The following SGCZ variants were observed in gnomAD, a reference collection of about 807,000 sequenced individuals.
SGCZ encodes the protein sarcoglycan zeta.
SGCZ carries 40 observed loss-of-function variants against 41.3 expected under a neutral mutation model. The observed-to-expected ratio is 0.97, with a 90% CI of 0.75 to 1.26. The LOEUF (loss-of-function observed/expected upper bound fraction) is 1.26, where lower values mean the gene tolerates loss of function less well. SGCZ is among the 50% of genes most tolerant of loss of function. The pLI, the probability that SGCZ is intolerant of heterozygous loss-of-function variation, is 0.00. For missense variants in SGCZ, 552 were observed against 369.8 expected (o/e 1.49, Z -4.04); for synonymous variants, 206 against 137.5 (o/e 1.50, Z -3.49).
intron 2 of SGCZ, among the ~76,000 whole-genome samples, chr8:14,394,764 C>A (rs1197567579): frequency 6.6e-6 from 1 of 152,022 alleles, no homozygotes; most frequent in Non-Finnish European, 1.5e-5. Context: ...GGTGGAAGTA[C>A]TAATTGACAA....
At chr8:14,998,396 T>G (rs1199744797) in intron 1 of SGCZ, among the ~76,000 whole-genome samples, 1 of 152,170 alleles carries the variant, frequency 6.6e-6, no homozygotes, top group Admixed American at 6.5e-5. Flanking sequence ...ATGATATAAT[T>G]TAGTTTATAT....
chr8:14,302,433 T>C (rs1801227079), intron 3 of SGCZ, among the ~76,000 whole-genome samples: 2 of 152,302 alleles, frequency 1.3e-5, no homozygotes, highest in African/African-American at 4.8e-5. Flanking sequence ...TGAATCAATT[T>C]TATATTTATT....
intron 1 of SGCZ, among the ~76,000 whole-genome samples, chr8:14,968,858 T>G (rs1313940973): frequency 6.6e-6 from 1 of 152,126 alleles, no homozygotes; most frequent in Non-Finnish European, 1.5e-5. Flanking sequence ...TTTATGAAGG[T>G]TTGAATAAAT....
intron 1 of SGCZ, among the ~76,000 whole-genome samples, chr8:14,835,575 G>C (rs934492955): frequency 5.9e-5 from 9 of 152,158 alleles, no homozygotes; most frequent in Admixed American, 1.3e-4. Context: ...GATCATTAAT[G>C]AGAGTGTTAA....
intron 1 of SGCZ, among the ~76,000 whole-genome samples, chr8:15,203,654 T>C (rs1483237072): frequency 1.3e-5 from 2 of 152,144 alleles, no homozygotes; most frequent in African/African-American, 4.8e-5. Flanking sequence ...TGATAAAAAA[T>C]TGAGTGCAAA....
At chr8:14,984,157 C>T (rs1801756866) in intron 1 of SGCZ, among the ~76,000 whole-genome samples, 1 of 152,146 alleles carries the variant, frequency 6.6e-6, no homozygotes, top group African/African-American at 2.4e-5. Flanking sequence ...CCCACATGTA[C>T]AATTATCAAC....
At chr8:14,912,244 T>A (rs1205568436) in intron 1 of SGCZ, among the ~76,000 whole-genome samples, 1 of 152,040 alleles carries the variant, frequency 6.6e-6, no homozygotes, top group African/African-American at 2.4e-5. Context: ...CCCACCTTGC[T>A]CTGGCTTGAC....
At chr8:14,831,629 C>CGTGT (rs746312174) in intron 1 of SGCZ, among the ~76,000 whole-genome samples, 22 of 122,256 alleles carry the variant, frequency 1.8e-4, no homozygotes, top group Non-Finnish European at 3.1e-4. Flanking sequence ...CACATAGACA[C>CGTGT]ATATGTGTGT....
At chr8:14,163,086 G>A (rs941719005) in intron 5 of SGCZ, among the ~76,000 whole-genome samples, 13 of 152,118 alleles carry the variant, frequency 8.5e-5, no homozygotes, top group Non-Finnish European at 1.3e-4. Flanking sequence ...TGCCCAGGCT[G>A]GACTTGAACC....
At chr8:14,354,852 A>G (rs1437664366) in intron 2 of SGCZ, among the ~76,000 whole-genome samples, 4 of 151,834 alleles carry the variant, frequency 2.6e-5, no homozygotes, top group African/African-American at 9.7e-5. Context: ...TCTGTTAGTA[A>G]AGCAACACAA....
intron 1 of SGCZ, among the ~76,000 whole-genome samples, chr8:15,040,531 C>G (rs1563459925): frequency 6.6e-6 from 1 of 152,084 alleles, no homozygotes; most frequent in Non-Finnish European, 1.5e-5. Context: ...GCAGGAGAAT[C>G]GCTTGTAACC....
intron 4 of SGCZ, among the ~76,000 whole-genome samples, chr8:14,208,918 A>G (rs557299093): frequency 6.6e-6 from 1 of 152,296 alleles, no homozygotes; most frequent in African/African-American, 2.4e-5. Context: ...GTAGCCCCCA[A>G]ATTATTTCCA....
chr8:14,644,979 G>A (rs972393559), intron 1 of SGCZ, among the ~76,000 whole-genome samples: 4 of 149,666 alleles, frequency 2.7e-5, no homozygotes, highest in East Asian at 2.0e-4. Context: ...AACGTTACTC[G>A]TTAGACTGTG....
Position 15,127,695 on chromosome 8 carries a change from T to G in SGCZ, c.39+109890A>C, listed in dbSNP as rs564545833. Among the ~76,000 whole-genome samples, 13 of 152,316 alleles carry G rather than the reference T, an allele frequency of 8.5e-5. No homozygotes were observed. In the East Asian group the frequency reaches 2.1e-3, roughly 25 times the overall value. ...TAAGGAAAGTAAATGGTAAACCATC[T>G]GCAATTCATTTATAAAAGTCTCCCT... is the stretch of plus-strand genomic sequence containing the variant. On this transcript the variant is annotated intron_variant, in intron 1 of 7. Coordinates refer to ENST00000382080, the MANE Select transcript of SGCZ (RefSeq NM_139167.4).
intron 1 of SGCZ, among the ~76,000 whole-genome samples, chr8:14,873,146 C>A (rs949465389): frequency 3.9e-5 from 6 of 151,956 alleles, no homozygotes; most frequent in Non-Finnish European, 8.8e-5. Context: ...AGATGCTTCC[C>A]AGTGGTGAAC....
At chr8:14,886,033 AT>A (rs1804792620) in intron 1 of SGCZ, among the ~76,000 whole-genome samples, 4 of 113,908 alleles carry the variant, frequency 3.5e-5, no homozygotes, top group Non-Finnish European at 5.6e-5. Context: ...ATATATATAT[AT>A]AAAATTGTAT....
intron 1 of SGCZ, among the ~76,000 whole-genome samples, chr8:14,962,687 A>G (rs1801001204): frequency 6.6e-6 from 1 of 152,202 alleles, no homozygotes; most frequent in Admixed American, 6.5e-5. Context: ...ATGCTAAATC[A>G]ATTGGATGTG....
chr8:14,911,163 T>C (rs1366328007), intron 1 of SGCZ, among the ~76,000 whole-genome samples: 1 of 152,016 alleles, frequency 6.6e-6, no homozygotes, highest in Non-Finnish European at 1.5e-5. Flanking sequence ...GAAAACAGAG[T>C]AAGCAGATAA....
intron 3 of SGCZ, among the ~76,000 whole-genome samples, chr8:14,314,297 C>T (rs1801645727): frequency 6.6e-6 from 1 of 151,914 alleles, no homozygotes; most frequent in Admixed American, 6.6e-5. Flanking sequence ...TTTTTTTTCC[C>T]CACTCTTAAC....
Sources: allele counts gnomAD v4.1 joint callset (sites outside exome capture counted in the v4.1 genomes callset), GRCh38; gene constraint gnomAD v4.1.1; transcripts MANE v1.5; gene names NCBI Gene and HGNC (gene_info 2026-07-23, HGNC 2026-07-21).